Variants in PCDHGA10 observed in about 807,000 individuals in gnomAD.
PCDHGA10 encodes protocadherin gamma-A10.
In PCDHGA10, 42 loss-of-function variants were observed where a neutral mutation model predicts 59.5. The ratio of observed to expected loss-of-function variants is 0.71; its 90% confidence interval spans 0.55 to 0.91. The LOEUF (loss-of-function observed/expected upper bound fraction) is 0.91, where lower values mean the gene tolerates loss of function less well. Ranked by LOEUF, PCDHGA10 falls within the 40% of genes least tolerant of loss-of-function variation. The probability of loss-of-function intolerance (pLI) is 0.00; values close to 1 mark genes in which losing one functional copy is unlikely to be tolerated. For missense variants in PCDHGA10, 1,111 were observed against 1,198.2 expected, an observed-to-expected ratio of 0.93 and a Z score of 1.07; for synonymous variants, 511 against 517.2, an observed-to-expected ratio of 0.99 and a Z score of 0.16.
In PCDHGA10 at chr5:141,505,598, C is replaced by T. The variant is rs532473064; in HGVS notation, c.2584+117C>T. The T allele has an allele frequency of 1.4e-3, 2,157 of 1,556,732 alleles. 3 individuals are homozygous for T. Among genetic ancestry groups the T allele is most frequent in the Non-Finnish European group, 1.8e-3 (2,025 of 1,148,246 alleles). ...ACCTGTGTAGTTTCTCCAGATCTTT[C>T]GGCAGGTCTGAAAGGACCCACAATT... On this transcript the variant is annotated intron_variant, in intron 3 of 3. Coordinates refer to ENST00000398610, the MANE Select transcript of PCDHGA10 (RefSeq NM_018913.3).
chr5:141,418,832 G>A, intron 1 of PCDHGA10: 1 of 1,614,008 alleles, frequency 6.2e-7, no homozygotes, highest in Non-Finnish European at 8.5e-7. Flanking sequence ...AAAAGACCGA[G>A]GATCTCTCTC....
chr5:141,414,243 A>G lies in PCDHGA10; in HGVS notation c.1068A>G (p.Leu356=), dbSNP rs2154544977. ...DNSPELTITS[L]FSPVTEDSPL... is the part of the protein sequence containing the mutation. ...GTCCAGAGCTGACCATCACGTCTCTATTTAGTCCAGTGACTGAAGATTCAC... is the reference window on the plus strand; with the variant it reads ...GTCCAGAGCTGACCATCACGTCTCTGTTTAGTCCAGTGACTGAAGATTCAC... The change falls in exon 1 of 4, where the codon CTA becomes CTG. Residue 356 remains leucine (L), a synonymous_variant. Coordinates refer to ENST00000398610, the MANE Select transcript of PCDHGA10 (RefSeq NM_018913.3). The G allele has an allele frequency of 6.2e-7, 1 of 1,613,556 alleles. No homozygotes were observed.
intron 1 of PCDHGA10, chr5:141,430,760 A>C: frequency 1.3e-6 from 2 of 1,505,596 alleles, no homozygotes; most frequent in Non-Finnish European, 8.9e-7. Context: ...GAAGATAAGA[A>C]TGATTCCTGC....
chr5:141,449,160 T>G (rs6867451), intron 1 of PCDHGA10, among the ~76,000 whole-genome samples: 8,161 of 152,140 alleles, frequency 0.054, 458 homozygotes, highest in African/African-American at 0.15. Context: ...AAAGAGGAAA[T>G]AGGTGTAATT....
chr5:141,445,276 C>T (rs761058385), intron 1 of PCDHGA10, among the ~76,000 whole-genome samples: 1 of 152,218 alleles, frequency 6.6e-6, no homozygotes, highest in Non-Finnish European at 1.5e-5. Flanking sequence ...AACCACTCTG[C>T]ATAAGTTCAG....
chr5:141,500,499 G>T lies in PCDHGA10; in HGVS notation c.2496-4894G>T, dbSNP rs531501031. On this transcript the variant is annotated intron_variant, in intron 2 of 3. Transcript: ENST00000398610. ...GCTGGGATTACAGGCGTGAGCCACC[G>T]CGCCTGGCCGAGCTTCATTTTAAAA... Among the ~76,000 whole-genome samples, 24 of 152,088 alleles carry T rather than the reference G, an allele frequency of 1.6e-4. 1 individual carries two copies. In the Middle Eastern group the frequency reaches 0.01, roughly 65 times the overall value.
chr5:141,444,475 A>C (rs572738630), intron 1 of PCDHGA10, among the ~76,000 whole-genome samples: 2 of 152,110 alleles, frequency 1.3e-5, no homozygotes, highest in East Asian at 3.9e-4. Context: ...CCGGTCGCGT[A>C]CTGGATTTAT....
chr5:141,414,230 CCAT>C lies in PCDHGA10; in HGVS notation c.1058_1060del (p.Ile353del). The stretch of plus-strand genomic sequence containing the variant: ...GTAAATGACAACAGTCCAGAGCTGA[CCAT>C]CACGTCTCTATTTAGTCCAGTGACT... On this transcript the variant is annotated inframe_deletion, in exon 1 of 4. Coordinates refer to ENST00000398610, the MANE Select transcript of PCDHGA10 (RefSeq NM_018913.3). 6.2e-7 allele frequency: 1 copy of C among 1,613,308 alleles called. No individual in the cohort carries two copies. Among genetic ancestry groups the C allele is most frequent in the Non-Finnish European group, 8.5e-7 (1 of 1,179,692 alleles).
At chr5:141,478,941 A>C (rs889484528) in intron 1 of PCDHGA10, 9 of 589,470 alleles carry the variant, frequency 1.5e-5, no homozygotes, top group Non-Finnish European at 2.0e-5. Context: ...TTCTAGGAAT[A>C]CAAAAACTAC....
At position 141,511,248 on chromosome 5, in the gene PCDHGA10, C is replaced by T; in HGVS notation, c.*75C>T. ...AGCTTCTCCTTACCTGCACCCAGGC[C>T]TCAGAGTTTCAGGGCTAACCCCCAG... On this transcript the variant is annotated 3_prime_UTR_variant, in exon 4 of 4. Transcript: ENST00000398610. 6.4e-7 allele frequency: 1 copy of T among 1,574,736 alleles called. No homozygotes were observed. The highest frequency in any genetic ancestry group is 8.6e-7 in the Non-Finnish European group (1 of 1,160,336).
intron 1 of PCDHGA10, among the ~76,000 whole-genome samples, chr5:141,461,616 T>A (rs1399885412): frequency 6.6e-6 from 1 of 152,236 alleles, no homozygotes; most frequent in African/African-American, 2.4e-5. Context: ...CAAAGTATTT[T>A]CTAATACACC....
At chr5:141,419,939 G>GTGGCCT (rs780963377) in intron 1 of PCDHGA10, 3 of 1,614,054 alleles carry the variant, frequency 1.9e-6, no homozygotes, top group Admixed American at 1.7e-5. Flanking sequence ...TTACCTGGTG[G>GTGGCCT]TGGCCTTGGC....
At chr5:141,474,997 A>C (rs2154572220) in intron 1 of PCDHGA10, among the ~76,000 whole-genome samples, 1 of 152,376 alleles carries the variant, frequency 6.6e-6, no homozygotes, top group African/African-American at 2.4e-5. Flanking sequence ...ACAATTCTAA[A>C]TGCAGAAAAG....
intron 1 of PCDHGA10, chr5:141,419,381 A>T (rs1170271990): frequency 6.2e-7 from 1 of 1,613,544 alleles, no homozygotes; most frequent in Admixed American, 1.7e-5. Flanking sequence ...CGTGTCCGTG[A>T]GCGCGCAGAG....
chr5:141,471,394 G>A (rs1349459242), intron 1 of PCDHGA10: 1 of 152,056 alleles, frequency 6.6e-6, no homozygotes, highest in Non-Finnish European at 1.5e-5. Context: ...TACAAGTTAC[G>A]TAGCTAGGCT....
In PCDHGA10 at chr5:141,511,539, C is replaced by CGAGAT; in HGVS notation, c.*366_*367insGAGAT. 3.0e-6 allele frequency: 1 copy of CGAGAT among 328,342 alleles called. No individual in the cohort carries two copies. Among genetic ancestry groups the CGAGAT allele is most frequent in the South Asian group, 3.2e-5 (1 of 31,708 alleles). 20.3% of individuals were successfully genotyped at this position (328,342 alleles called of 1,614,324 possible). On this transcript the variant is annotated 3_prime_UTR_variant, in exon 4 of 4. Transcript: ENST00000398610. ...CATCCCATGCCTCCCTCCTCCCCAC[C>CGAGAT]CCACTCCAACAGTTCCTCTTTCCCG...
intron 1 of PCDHGA10, chr5:141,422,005 A>G (rs2154549470): frequency 6.2e-7 from 1 of 1,609,814 alleles, no homozygotes; most frequent in Middle Eastern, 1.7e-4. Context: ...CAGCTCCGGA[A>G]CTCGGGTGCT....
rs1403163275 is a variant in PCDHGA10 at position 141,441,708 on chromosome 5, A to T, written c.2436+26097A>T. ...AGAGCAGCCGCGAGCCTTCAAGCTC[A>T]CGCTGCAGGCCCGCGACCAGGACTA... On this transcript the variant is annotated intron_variant, in intron 1 of 3. Coordinates refer to ENST00000398610, the MANE Select transcript of PCDHGA10 (RefSeq NM_018913.3). 2.8e-5 allele frequency: 9 copies of T among 319,492 alleles called. No homozygotes were observed. In the East Asian group the frequency reaches 1.0e-3, roughly 37 times the overall value. 19.8% of individuals were successfully genotyped at this position (319,492 alleles called of 1,614,324 possible).
Position 141,487,176 on chromosome 5 carries a change from A to G in PCDHGA10, c.2437-7631A>G. On this transcript the variant is annotated intron_variant, in intron 1 of 3. Coordinates refer to ENST00000398610, the MANE Select transcript of PCDHGA10 (RefSeq NM_018913.3). The surrounding 1 kb of genome is among the most constrained non-coding windows in gnomAD (Gnocchi z 5.0). ...ACTCTCTTAGTGTCCTTAGAGGAAGACACTCATCCAGTTGTCCCAGATCTT... is the reference window on the plus strand; with the variant it reads ...ACTCTCTTAGTGTCCTTAGAGGAAGGCACTCATCCAGTTGTCCCAGATCTT... 1 of 1,613,774 alleles carries G rather than the reference A, an allele frequency of 6.2e-7. No homozygotes were observed. The highest frequency in any genetic ancestry group is 8.5e-7 in the Non-Finnish European group (1 of 1,179,664).
Sources: allele counts gnomAD v4.1 joint callset (sites outside exome capture counted in the v4.1 genomes callset), GRCh38; gene constraint gnomAD v4.1.1; non-coding constraint Gnocchi (gnomAD v3.1); transcripts MANE v1.5; gene names NCBI Gene and HGNC (gene_info 2026-07-23, HGNC 2026-07-21).